Variants in TFRC observed in about 807,000 individuals in gnomAD.
TFRC encodes transferrin receptor protein 1.
A neutral mutation model predicts 85.8 loss-of-function variants in TFRC; 35 were observed. The ratio of observed to expected loss-of-function variants is 0.41; its 90% CI spans 0.31 to 0.54. The LOEUF is 0.54. Ranked by LOEUF, TFRC falls within the 20% of genes least tolerant of loss-of-function variation. The pLI is 0.31. For missense variants in TFRC, 828 were observed against 921.5 expected (o/e 0.90, Z 1.31); for synonymous variants, 362 against 328.6 (o/e 1.10, Z -1.10).
At chr3:196,079,027 C>A (rs972609184) in intron 1 of TFRC, among the ~76,000 whole-genome samples, 1 of 152,054 alleles carries the variant, frequency 6.6e-6, no homozygotes, top group Non-Finnish European at 1.5e-5. Flanking sequence ...ACCCACCTGG[C>A]CTCCCAAAGT....
chr3:196,079,855 T>C (rs987370063), intron 1 of TFRC, among the ~76,000 whole-genome samples: 8 of 152,232 alleles, frequency 5.3e-5, no homozygotes, highest in African/African-American at 1.9e-4. Flanking sequence ...CATTCTTCTC[T>C]GTTCCTTGAG....
At chr3:196,079,609 T>C (rs1464912099) in intron 1 of TFRC, among the ~76,000 whole-genome samples, 2 of 152,104 alleles carry the variant, frequency 1.3e-5, no homozygotes, top group Non-Finnish European at 2.9e-5. Flanking sequence ...AGCGTGAAAC[T>C]CTGTCAAAAA....
intron 6 of TFRC, chr3:196,069,843 A>G (rs1718042344): frequency 3.3e-6 from 1 of 299,948 alleles, no homozygotes. Context: ...AAAGAGGCCT[A>G]TGTAGGCTGG....
chr3:196,065,541 G>A lies in TFRC; in HGVS notation c.1100C>T (p.Thr367Ile). Residue 367 changes from threonine (T) to isoleucine (I), a missense_variant, in exon 10 of 19, where the codon ACC becomes ATC. Transcript: ENST00000360110. ...WKTDSTCRMV[T>I]SESKNVKLTV... ...GAGCTTCACATTCTTGCTTTCTGAGGTTACCATCCTACATGTAGAGTCTGT... is the reference window on the plus strand; with the variant it reads ...GAGCTTCACATTCTTGCTTTCTGAGATTACCATCCTACATGTAGAGTCTGT... The A allele has an allele frequency of 6.2e-7, 1 of 1,611,290 alleles. No homozygotes were observed. The highest frequency in any genetic ancestry group is 1.1e-5 in the South Asian group (1 of 90,952).
At chr3:196,076,789 C>G (rs1718742755) in intron 2 of TFRC, among the ~76,000 whole-genome samples, 1 of 152,102 alleles carries the variant, frequency 6.6e-6, no homozygotes, top group Admixed American at 6.6e-5. Flanking sequence ...CCTACTAAAA[C>G]ATTTTGATCA....
At position 196,049,780 on chromosome 3, in the gene TFRC, G is replaced by A. The variant is rs765930681; in HGVS notation, c.*2162C>T. 3 of 230,020 alleles carry A rather than the reference G, an allele frequency of 1.3e-5. No individual in the cohort carries two copies. Among genetic ancestry groups the A allele is most frequent in the East Asian group, 6.2e-5 (1 of 16,152 alleles). 14.2% of individuals were successfully genotyped at this position (230,020 alleles called of 1,614,324 possible). A position where few individuals can be genotyped will look rare whatever the true frequency, so the allele number is the denominator to read the frequency against. On this transcript the variant is annotated 3_prime_UTR_variant, in exon 19 of 19. Transcript: ENST00000360110. The stretch of plus-strand genomic sequence containing the variant: ...ACCTTTTCACTTAGCTACGCTAAAT[G>A]TCAGTCCAAGATAAAAGAGGAGATT...
At chr3:196,061,838 T>C (rs1717309314) in intron 13 of TFRC, among the ~76,000 whole-genome samples, 1 of 152,218 alleles carries the variant, frequency 6.6e-6, no homozygotes, top group Non-Finnish European at 1.5e-5. Flanking sequence ...CTCAAAGGTC[T>C]GGGGTAGACA....
intron 1 of TFRC, among the ~76,000 whole-genome samples, chr3:196,078,916 G>C (rs147183692): frequency 0.02 from 2,996 of 151,752 alleles, 59 homozygotes; most frequent in African/African-American, 0.05. Flanking sequence ...TGGGATTACA[G>C]GTGCCCACCA....
intron 1 of TFRC, among the ~76,000 whole-genome samples, chr3:196,079,297 TTTAAA>T (rs1266553532): frequency 6.6e-6 from 1 of 152,184 alleles, no homozygotes; most frequent in Non-Finnish European, 1.5e-5. Flanking sequence ...GTTTTCTTGT[TTTAAA>T]TTAATTTTAA....
At chr3:196,075,504 C>CCTTGA in intron 2 of TFRC, 144 bp from the exon 3 acceptor site, 2 of 741,186 alleles carry the variant, frequency 2.7e-6, no homozygotes, top group Non-Finnish European at 4.5e-6. Context: ...AACATTCTTC[C>CCTTGA]CTGGGCCCAG....
chr3:196,072,140 T>C lies in TFRC; in HGVS notation c.447A>G (p.Glu149=). Residue 149 remains glutamate (E), a synonymous_variant, in exon 5 of 19, where the codon GAA becomes GAG. Coordinates refer to ENST00000360110, the MANE Select transcript of TFRC (RefSeq NM_001128148.3). The part of the protein sequence containing the change: ...DFTGTIKLLN[E]NSYVPREAGS... ...CAGCCTCACGAGGGACATATGAATT[T>C]TCATTCAGCAGCCTGGAGGAGAAAA... The C allele has an allele frequency of 6.2e-7, 1 of 1,613,348 alleles. No homozygotes were observed. The highest frequency in any genetic ancestry group is 8.5e-7 in the Non-Finnish European group (1 of 1,179,820).
intron 2 of TFRC, 96 bp downstream of exon 2, chr3:196,076,968 T>C: frequency 8.7e-7 from 1 of 1,143,770 alleles, no homozygotes; most frequent in Non-Finnish European, 1.3e-6. Flanking sequence ...TACCTGATAA[T>C]AGATTGGGGT....
intron 11 of TFRC, 112 bp downstream of exon 11, chr3:196,064,195 TAG>T (rs886411026): frequency 5.1e-6 from 6 of 1,167,752 alleles, no homozygotes; most frequent in Non-Finnish European, 6.9e-6. Flanking sequence ...ATTTAAGAAC[TAG>T]AGTCTAGCAT....
At chr3:196,073,811 G>A (rs1718429996) in intron 4 of TFRC, 119 bp downstream of exon 4, 1 of 1,075,608 alleles carries the variant, frequency 9.3e-7, no homozygotes, top group South Asian at 1.9e-5. Flanking sequence ...AGCTAAACAT[G>A]ACAAGTCTTG....
chr3:196,067,728 G>A, intron 8 of TFRC, 71 bp from the exon 9 acceptor site: 1 of 1,545,600 alleles, frequency 6.5e-7, no homozygotes, highest in Non-Finnish European at 8.7e-7. Flanking sequence ...TTCAGGTTTG[G>A]TATAAGGCTG....
chr3:196,066,089 T>C lies in TFRC; in HGVS notation c.1041-489A>G, dbSNP rs41295859. Among the ~76,000 whole-genome samples, 32 of 152,056 alleles carry C rather than the reference T, an allele frequency of 2.1e-4. No individual in the cohort carries two copies. The East Asian group carries it at 5.8e-3, about 28-fold the overall frequency. On this transcript the variant is annotated intron_variant, in intron 9 of 18. Coordinates refer to ENST00000360110, the MANE Select transcript of TFRC (RefSeq NM_001128148.3). ...CTTACTTTGATCTGCAGGCAGCCAA[T>C]TGGAAACCATTAATTAAGCAATATT...
chr3:196,062,043 T>C (rs1717325563), intron 13 of TFRC, among the ~76,000 whole-genome samples: 1 of 152,122 alleles, frequency 6.6e-6, no homozygotes, highest in Non-Finnish European at 1.5e-5. Flanking sequence ...ATAGAATGCT[T>C]GAACTCAGGA....
rs374173098 is a variant in TFRC at position 196,067,608 on chromosome 3, T to A, written c.950A>T (p.Asn317Ile). Residue 317 changes from asparagine to isoleucine, a missense_variant, in exon 9 of 19, where the codon AAT (asparagine) becomes ATT (isoleucine). Physicochemically the swap from Asn to Ile is moderately radical, Grantham distance 149. Transcript: ENST00000360110. ...DPYTPGFPSF[N>I]HTQFPPSRSS... ...CCGAGATGGTGGAAACTGAGTGTGA[T>A]TGAAGGAAGGGAATCCAGGTGTGTA... 1 of 1,614,102 alleles carries A rather than the reference T, an allele frequency of 6.2e-7. No individual in the cohort carries two copies. Among genetic ancestry groups the A allele is most frequent in the African/African-American group, 1.3e-5 (1 of 75,014 alleles).
intron 11 of TFRC, chr3:196,063,270 A>G (rs1717436033): frequency 5.2e-6 from 1 of 193,070 alleles, no homozygotes; most frequent in Non-Finnish European, 1.1e-5. Context: ...CTGGACCCAG[A>G]GATCATTGAA....
Sources: gnomAD v4.1 joint callset for allele counts (sites outside exome capture counted in the v4.1 genomes callset) on GRCh38, gnomAD v4.1.1 for gene constraint, MANE v1.5 for transcripts, NCBI Gene and HGNC (gene_info 2026-07-23, HGNC 2026-07-21) for gene names.